The following DLG2 variants were observed in gnomAD, a reference collection of about 807,000 sequenced individuals.
The protein encoded by DLG2 is discs large MAGUK scaffold protein 2.
DLG2 carries 45 observed loss-of-function variants against 132.5 expected under a neutral mutation model. The observed-to-expected ratio is 0.34, with a 90% confidence interval of 0.27 to 0.44. DLG2 has a LOEUF of 0.44. Among genes scored for constraint, DLG2 ranks in the 20% least tolerant of loss-of-function variants. The pLI is 1.00. For synonymous variants in DLG2, 424 were observed against 419.6 expected (o/e 1.01, Z -0.13); for missense variants, 1,045 against 1,196.9 (o/e 0.87, Z 1.87).
In DLG2 at chr11:84,719,635, C is replaced by A. The variant is rs142585953; in HGVS notation, c.358-184904G>T. 3.5e-3 allele frequency among the ~76,000 whole-genome samples: 528 copies of A among 152,226 alleles called. 3 individuals carry two copies. The highest frequency in any genetic ancestry group is 0.012 in the African/African-American group (516 of 41,544). Reference sequence around the variant, plus strand: ...ATAACCTGTTTTAAAAACCTTCAAACCTCATTTCTCTGGGAACACCAATCA... The same window carrying A: ...ATAACCTGTTTTAAAAACCTTCAAAACTCATTTCTCTGGGAACACCAATCA... On this transcript the variant is annotated intron_variant, in intron 6 of 27. Coordinates refer to ENST00000376104, the MANE Select transcript of DLG2 (RefSeq NM_001142699.3).
chr11:85,476,328 G>C (rs1355825877), intron 3 of DLG2, among the ~76,000 whole-genome samples: 1 of 141,364 alleles, frequency 7.1e-6, no homozygotes, highest in Non-Finnish European at 1.6e-5. Context: ...CTCTGGGTGA[G>C]TCAGTAAAGG....
At chr11:85,559,344 T>G (rs1255086859) in intron 3 of DLG2, among the ~76,000 whole-genome samples, 1 of 151,116 alleles carries the variant, frequency 6.6e-6, no homozygotes, top group Non-Finnish European at 1.5e-5. Flanking sequence ...AGATACAGGA[T>G]TTCACCATGT....
intron 7 of DLG2, among the ~76,000 whole-genome samples, chr11:84,304,927 T>A (rs899497331): frequency 6.6e-6 from 1 of 152,196 alleles, no homozygotes; most frequent in Admixed American, 6.6e-5. Context: ...ATTCAACCTT[T>A]CCATTTGATA....
At chr11:85,606,874 G>T (rs1338346638) in intron 2 of DLG2, among the ~76,000 whole-genome samples, 1 of 152,096 alleles carries the variant, frequency 6.6e-6, no homozygotes, top group Non-Finnish European at 1.5e-5. Context: ...GCAAGACCAT[G>T]AACCCACCAG....
chr11:84,995,070 A>G lies in DLG2; in HGVS notation c.357+116591T>C, dbSNP rs540175865. Among the ~76,000 whole-genome samples the G allele has an allele frequency of 4.6e-5, 7 of 152,244 alleles. No individual in the cohort carries two copies. The East Asian group carries it at 1.4e-3, about 29-fold the overall frequency. On this transcript the variant is annotated intron_variant, in intron 6 of 27. Transcript: ENST00000376104. ...CCATGTATTTGAGAAGAGGAGTGCA[A>G]CCTTCACTTATTCCAGTTTGAATAG...
chr11:84,632,189 G>A (rs1025580101), intron 6 of DLG2, among the ~76,000 whole-genome samples: 6 of 151,944 alleles, frequency 3.9e-5, no homozygotes, highest in Non-Finnish European at 8.8e-5. Flanking sequence ...AGAACTCAGA[G>A]GTTATTCTAT....
At chr11:84,324,385 C>T (rs1466162707) in intron 7 of DLG2, among the ~76,000 whole-genome samples, 1 of 151,960 alleles carries the variant, frequency 6.6e-6, no homozygotes, top group Non-Finnish European at 1.5e-5. Context: ...TATTTCTGGG[C>T]TCTCTATTCT....
chr11:85,298,852 G>A (rs2079408865), intron 3 of DLG2, among the ~76,000 whole-genome samples: 4 of 152,090 alleles, frequency 2.6e-5, no homozygotes, highest in Admixed American at 1.3e-4. Flanking sequence ...AATGGAACAA[G>A]TTGGTCACTT....
intron 6 of DLG2, among the ~76,000 whole-genome samples, chr11:84,672,358 G>A (rs532292171): frequency 2.0e-5 from 3 of 152,194 alleles, no homozygotes; most frequent in African/African-American, 7.2e-5. Flanking sequence ...GCATATCTCA[G>A]GCAAAGAGAA....
At chr11:85,039,905 T>A (rs913615655) in intron 6 of DLG2, among the ~76,000 whole-genome samples, 61 of 152,050 alleles carry the variant, frequency 4.0e-4, no homozygotes, top group African/African-American at 1.4e-3. Context: ...TAATTCACAT[T>A]GGCAGTCCTT....
intron 8 of DLG2, among the ~76,000 whole-genome samples, chr11:84,187,600 T>C (rs1040023100): frequency 6.6e-6 from 1 of 152,070 alleles, no homozygotes. Flanking sequence ...TTTCTTCTTA[T>C]GTCTACCTCC....
chr11:85,166,449 C>A (rs1036597967), intron 4 of DLG2, among the ~76,000 whole-genome samples: 2 of 152,014 alleles, frequency 1.3e-5, no homozygotes, highest in African/African-American at 4.8e-5. Context: ...GGCTACCTGG[C>A]TTTTGGTAAT....
At chr11:85,060,935 C>A (rs11600088) in intron 6 of DLG2, among the ~76,000 whole-genome samples, 21,235 of 151,022 alleles carry the variant, frequency 0.14, 1,674 homozygotes, top group South Asian at 0.3. Context: ...GTCATCTTAA[C>A]AAGTGTGAAG....
intron 18 of DLG2, among the ~76,000 whole-genome samples, chr11:83,682,685 G>T (rs2079033750): frequency 6.6e-6 from 1 of 152,064 alleles, no homozygotes; most frequent in Admixed American, 6.6e-5. Context: ...TCCTATATTT[G>T]CATAGCCTGT....
intron 18 of DLG2, among the ~76,000 whole-genome samples, chr11:83,730,191 C>CA (rs944475953): frequency 8.4e-6 from 1 of 119,562 alleles, no homozygotes; most frequent in Non-Finnish European, 1.7e-5. Flanking sequence ...CACACTATAT[C>CA]AAAAAAATGT....
chr11:84,557,953 A>G (rs2099415253), intron 6 of DLG2, among the ~76,000 whole-genome samples: 1 of 152,152 alleles, frequency 6.6e-6, no homozygotes. Flanking sequence ...ACATATGAGA[A>G]CTATGATTTT....
chr11:84,672,838 G>T (rs1235552457), intron 6 of DLG2, among the ~76,000 whole-genome samples: 4 of 152,030 alleles, frequency 2.6e-5, no homozygotes, highest in Non-Finnish European at 4.4e-5. Context: ...CAAAAAAAAG[G>T]CTTAATTGGC....
intron 9 of DLG2, among the ~76,000 whole-genome samples, chr11:84,152,532 G>A (rs1014914349): frequency 4.0e-5 from 6 of 151,480 alleles, no homozygotes; most frequent in South Asian, 4.2e-4. Flanking sequence ...GACTACAGGC[G>A]CCCACCACCA....
chr11:83,662,848 A>T (rs1345952449), intron 18 of DLG2, among the ~76,000 whole-genome samples: 1 of 152,176 alleles, frequency 6.6e-6, no homozygotes, highest in Non-Finnish European at 1.5e-5. Flanking sequence ...CAAGTAGCAG[A>T]CTGGCACAGG....
Sources: allele counts gnomAD v4.1 joint callset (sites outside exome capture counted in the v4.1 genomes callset), GRCh38; gene constraint gnomAD v4.1.1; transcripts MANE v1.5; gene names NCBI Gene and HGNC (gene_info 2026-07-23, HGNC 2026-07-21).